The following ONECUT3 variants were observed in gnomAD, a reference collection of about 807,000 sequenced individuals.
The protein encoded by ONECUT3 is one cut homeobox 3.
Under a neutral mutation model 16.8 loss-of-function variants are expected in ONECUT3, and 11 were observed. The observed-to-expected ratio is 0.66, with a 90% CI of 0.41 to 1.09. The LOEUF is 1.09. ONECUT3 is among the 50% of genes least tolerant of loss of function. ONECUT3 has a pLI of 0.00. For synonymous variants in ONECUT3, 344 were observed against 310.7 expected (o/e 1.11, Z -1.13); for missense variants, 637 against 629.9 (o/e 1.01, Z -0.12).
chr19:1,762,443 G>C lies in ONECUT3; in HGVS notation c.1192+7589G>C, dbSNP rs1158075114. 6.6e-6 allele frequency among the ~76,000 whole-genome samples: 1 copy of C among 152,254 alleles called. No individual in the cohort carries two copies. The highest frequency in any genetic ancestry group is 1.5e-5 in the Non-Finnish European group (1 of 68,034). On this transcript the variant is annotated intron_variant, in intron 1 of 1. Coordinates refer to ENST00000382349, the MANE Select transcript of ONECUT3 (RefSeq NM_001080488.2). The surrounding 1 kb of genome is among the most constrained non-coding windows in gnomAD (Gnocchi z 4.4). Reference sequence around the variant, plus strand: ...TTTCCAAGCGCCCTTTCCCGTCCAAGGACCTGCTGGGGGGATGACTGTGCC... The same window carrying C: ...TTTCCAAGCGCCCTTTCCCGTCCAACGACCTGCTGGGGGGATGACTGTGCC...
At position 1,775,394 on chromosome 19, in the gene ONECUT3, C is replaced by A. The variant is rs2068096909; in HGVS notation, c.1434C>A (p.Ser478Arg). ...TGAACCGCTGGGCTGAGGAGCCCAG[C>A]ACGGCCCCCGGGGGCCCCGCCGGCG... ...RCMNRWAEEP[S>R]TAPGGPAGAT... The change falls in exon 2 of 2, where the codon AGC (serine) becomes AGA (arginine). Residue 478 changes from serine to arginine, a missense_variant. Transcript: ENST00000382349. 1 of 1,518,488 alleles carries A rather than the reference C, an allele frequency of 6.6e-7. No individual in the cohort carries two copies. Among genetic ancestry groups the A allele is most frequent in the African/African-American group, 1.4e-5 (1 of 71,444 alleles). The allele number at this position is 1,518,488 out of a possible 1,614,324, so 94.1% of individuals were successfully genotyped here. A position where few individuals can be genotyped will look rare whatever the true frequency, so the allele number is the denominator to read the frequency against.
chr19:1,760,984 T>G (rs1222636353), intron 1 of ONECUT3, among the ~76,000 whole-genome samples: 2 of 151,508 alleles, frequency 1.3e-5, no homozygotes, highest in African/African-American at 4.9e-5. Flanking sequence ...CACTCTAGTC[T>G]AAACCACTAT....
chr19:1,774,209 C>T (rs2068083283), intron 1 of ONECUT3, among the ~76,000 whole-genome samples: 1 of 152,088 alleles, frequency 6.6e-6, no homozygotes, highest in South Asian at 2.1e-4. Context: ...ATTCAGATGT[C>T]GGAATTGGGC....
In ONECUT3 at chr19:1,779,422, A is replaced by G. The variant is rs1378400817; in HGVS notation, c.*3977A>G. 6.6e-6 allele frequency: 1 copy of G among 151,904 alleles called. No homozygotes were observed. Among genetic ancestry groups the G allele is most frequent in the Admixed American group, 6.6e-5 (1 of 15,256 alleles). The allele number at this position is 151,904 out of a possible 1,614,324, so 9.4% of individuals were successfully genotyped here. A position where few individuals can be genotyped will look rare whatever the true frequency, so the allele number is the denominator to read the frequency against. ...GAGAGAGAGAGAGCGAGCGCAAGAG[A>G]GAGAGAGAGGGAGAGAGAGGGAGAG... On this transcript the variant is annotated 3_prime_UTR_variant, in exon 2 of 2. Coordinates refer to ENST00000382349, the MANE Select transcript of ONECUT3 (RefSeq NM_001080488.2).
At chr19:1,761,816 T>C (rs549191660) in intron 1 of ONECUT3, among the ~76,000 whole-genome samples, 2 of 152,142 alleles carry the variant, frequency 1.3e-5, no homozygotes, top group Non-Finnish European at 2.9e-5. Flanking sequence ...TAGGTGCTAA[T>C]GTGAGAGGGG....
chr19:1,760,915 A>AT (rs1463299553), intron 1 of ONECUT3, among the ~76,000 whole-genome samples: 2 of 151,968 alleles, frequency 1.3e-5, no homozygotes, highest in Non-Finnish European at 2.9e-5. Flanking sequence ...AATCATGACC[A>AT]TTCATTCTTC....
chr19:1,768,607 C>G (rs985116624), intron 1 of ONECUT3, among the ~76,000 whole-genome samples: 1 of 152,232 alleles, frequency 6.6e-6, no homozygotes, highest in Admixed American at 6.5e-5. Context: ...TTGGGGGCCA[C>G]TCTCTATCCC....
Position 1,754,669 on chromosome 19 carries a change from G to A in ONECUT3, c.1007G>A (p.Arg336His), listed in dbSNP as rs759658125. 2 of 1,525,144 alleles carry A rather than the reference G, an allele frequency of 1.3e-6. No homozygotes were observed. The highest frequency in any genetic ancestry group is 2.5e-5 in the South Asian group (2 of 80,848). 94.5% of individuals were successfully genotyped at this position (1,525,144 alleles called of 1,614,324 possible). A position where few individuals can be genotyped will look rare whatever the true frequency, so the allele number is the denominator to read the frequency against. Residue 336 changes from arginine to histidine, a missense_variant, in exon 1 of 2, where the codon CGC (arginine) becomes CAC (histidine). By Grantham distance (29) the Arg-to-His change is conservative. This residue lies in a region of ONECUT3 where 35 missense variants were observed against 63.8 expected (regional missense o/e 0.55). Transcript: ENST00000382349. The surrounding 1 kb of genome is among the most constrained non-coding windows in gnomAD (Gnocchi z 7.4). ...CAGCGCATCACGGCGGAGCTGAAGC[G>A]CTACAGCATCCCGCAGGCAATCTTC... ...VAQRITAELK[R>H]YSIPQAIFAQ... is the part of the protein sequence containing the mutation.
Position 1,775,165 on chromosome 19 carries a change from AG to A in ONECUT3, c.1207del (p.Glu403AsnfsTer27). 1 of 1,318,000 alleles carries A rather than the reference AG, an allele frequency of 7.6e-7. No homozygotes were observed. The highest frequency in any genetic ancestry group is 1.6e-5 in the African/African-American group (1 of 64,344). 81.6% of individuals were successfully genotyped at this position (1,318,000 alleles called of 1,614,324 possible). A position where few individuals can be genotyped will look rare whatever the true frequency, so the allele number is the denominator to read the frequency against. On this transcript the variant is annotated frameshift_variant, in exon 2 of 2. Coordinates refer to ENST00000382349, the MANE Select transcript of ONECUT3 (RefSeq NM_001080488.2). LOFTEE classifies it high-confidence loss of function. The part of the protein sequence containing the change: ...SALRLAACKR[K>X]EQEQQKERAL... ...CGCTCGCCCGCAGCCTGCAAGCGCA[AG>A]GAACAGGAGCAGCAGAAGGAGCGCG...
At position 1,769,411 on chromosome 19, in the gene ONECUT3, T is replaced by C. The variant is rs369665742; in HGVS notation, c.1193-5742T>C. Among the ~76,000 whole-genome samples the C allele has an allele frequency of 2.2e-3, 341 of 152,134 alleles. 3 individuals carry two copies. Among genetic ancestry groups the C allele is most frequent in the South Asian group, 0.01 (49 of 4,820 alleles). On this transcript the variant is annotated intron_variant, in intron 1 of 1. Coordinates refer to ENST00000382349, the MANE Select transcript of ONECUT3 (RefSeq NM_001080488.2). ...TGGCAGAGGTGGCAATGGTGGGCCC[T>C]GGCAGCATGAGGCTGGTGGTTGGTA...
chr19:1,760,467 C>T (rs1471996135), intron 1 of ONECUT3, among the ~76,000 whole-genome samples: 1 of 152,148 alleles, frequency 6.6e-6, no homozygotes, highest in East Asian at 1.9e-4. Context: ...GCCACTTGGC[C>T]GATCCTCAGG....
intron 1 of ONECUT3, among the ~76,000 whole-genome samples, chr19:1,770,813 T>A (rs1251131023): frequency 1.3e-5 from 2 of 152,226 alleles, no homozygotes; most frequent in African/African-American, 4.8e-5. Flanking sequence ...AGATAAAATA[T>A]AAACATAGGT....
intron 1 of ONECUT3, among the ~76,000 whole-genome samples, chr19:1,761,343 G>A (rs1019781720): frequency 2.0e-5 from 3 of 152,136 alleles, no homozygotes; most frequent in East Asian, 1.9e-4. Context: ...ATGAACCACC[G>A]TGCCCAGCCT....
chr19:1,759,088 C>A lies in ONECUT3; in HGVS notation c.1192+4234C>A, dbSNP rs906312917. Among the ~76,000 whole-genome samples the A allele has an allele frequency of 6.6e-6, 1 of 152,092 alleles. No individual in the cohort carries two copies. The highest frequency in any genetic ancestry group is 2.4e-5 in the African/African-American group (1 of 41,410). ...TGAGGCAGGGAGGACCCCCCACCCC[C>A]ACCCCAGGTGGATGGGATGCTTTGC... On this transcript the variant is annotated intron_variant, in intron 1 of 1. Coordinates refer to ENST00000382349, the MANE Select transcript of ONECUT3 (RefSeq NM_001080488.2). This position sits in a 1 kb window ranked among gnomAD's most constrained non-coding sequence, Gnocchi z 4.1.
chr19:1,754,790 C>G lies in ONECUT3; in HGVS notation c.1128C>G (p.Phe376Leu). 1.3e-6 allele frequency: 2 copies of G among 1,563,518 alleles called. No individual in the cohort carries two copies. The highest frequency in any genetic ancestry group is 1.7e-6 in the Non-Finnish European group (2 of 1,156,394). ...WSKLKSGRET[F>L]RRMWKWLQEP... Reference sequence around the variant, plus strand: ...AGCTCAAATCCGGCCGCGAGACCTTCCGCAGGATGTGGAAGTGGCTGCAGG... The same window carrying G: ...AGCTCAAATCCGGCCGCGAGACCTTGCGCAGGATGTGGAAGTGGCTGCAGG... Residue 376 changes from phenylalanine to leucine, a missense_variant, in exon 1 of 2, where the codon TTC (phenylalanine) becomes TTG (leucine). By Grantham distance (22) the Phe-to-Leu change is conservative. Around this residue, in one of 3 missense-constraint regions of ONECUT3, gnomAD observed 183 missense variants for 188.3 expected, o/e 0.97. Coordinates refer to ENST00000382349, the MANE Select transcript of ONECUT3 (RefSeq NM_001080488.2). This position sits in a 1 kb window ranked among gnomAD's most constrained non-coding sequence, Gnocchi z 7.4.
chr19:1,773,627 G>T (rs1389234564), intron 1 of ONECUT3, among the ~76,000 whole-genome samples: 1 of 152,180 alleles, frequency 6.6e-6, no homozygotes, highest in Admixed American at 6.5e-5. Flanking sequence ...AGACCCACTA[G>T]TACTACCTGC....
At chr19:1,763,382 A>AAAAAAAAAAAAAAAAAAAAAAAAAAAAAG (rs2067957748) in intron 1 of ONECUT3, among the ~76,000 whole-genome samples, 1 of 131,224 alleles carries the variant, frequency 7.6e-6, no homozygotes, top group Non-Finnish European at 1.5e-5. Flanking sequence ...AAAAAAAAAA[A>AAAAAAAAAAAAAAAAAAAAAAAAAAAAAG]AAAAAAAAAA....
chr19:1,775,127 C>CCCGA, intron 1 of ONECUT3, 26 bp from the exon 2 acceptor site: 1 of 818,600 alleles, frequency 1.2e-6, no homozygotes, highest in Non-Finnish European at 1.8e-6. Context: ...GTCCCGCTCG[C>CCCGA]CCGCCCGCCC....
chr19:1,772,950 G>A (rs939945536), intron 1 of ONECUT3, among the ~76,000 whole-genome samples: 27 of 144,400 alleles, frequency 1.9e-4, no homozygotes, highest in African/African-American at 6.2e-4. Context: ...TGATCCGCCC[G>A]CCTCGGCCTC....
Sources: allele counts gnomAD v4.1 joint callset (sites outside exome capture counted in the v4.1 genomes callset), GRCh38; gene constraint gnomAD v4.1.1; regional missense constraint gnomAD v4.1.1; non-coding constraint Gnocchi (gnomAD v3.1); transcripts MANE v1.5; gene names NCBI Gene and HGNC (gene_info 2026-07-23, HGNC 2026-07-21).